POU6F2: variants seen among roughly 807,000 people sequenced by gnomAD.
POU6F2 encodes POU class 6 homeobox 2.
In POU6F2, 31 loss-of-function variants were observed where a neutral mutation model predicts 71.3. That is an observed-to-expected ratio of 0.43 (90% confidence interval 0.33 to 0.59). The LOEUF (loss-of-function observed/expected upper bound fraction) is 0.59, where lower values mean the gene tolerates loss of function less well. Ranked by LOEUF, POU6F2 falls within the 20% of genes least tolerant of loss-of-function variation. The pLI is 0.04. For synonymous variants in POU6F2, 347 were observed against 355.7 expected (o/e 0.98, Z 0.27); for missense variants, 783 against 856.8 (o/e 0.91, Z 1.07).
intron 4 of POU6F2, among the ~76,000 whole-genome samples, chr7:39,271,494 G>GA (rs36038013): frequency 0.017 from 2,286 of 136,698 alleles, 40 homozygotes; most frequent in African/African-American, 0.056. Context: ...CTCAATCAGT[G>GA]AAAAAAAAAA....
At chr7:39,340,919 A>G (rs537808525) in intron 5 of POU6F2, among the ~76,000 whole-genome samples, 19 of 152,244 alleles carry the variant, frequency 1.2e-4, no homozygotes, top group African/African-American at 4.3e-4. Flanking sequence ...GCACAATGAC[A>G]TTTTTCCCTG....
chr7:38,979,460 A>C (rs975805367), intron 1 of POU6F2, among the ~76,000 whole-genome samples: 6 of 152,228 alleles, frequency 3.9e-5, no homozygotes, highest in African/African-American at 1.2e-4. Flanking sequence ...TTTTAAAAGA[A>C]GTAGATATTT....
intron 5 of POU6F2, among the ~76,000 whole-genome samples, chr7:39,359,957 T>C (rs1338781948): frequency 2.6e-5 from 4 of 152,180 alleles, no homozygotes; most frequent in Non-Finnish European, 5.9e-5. Flanking sequence ...GCAAGCAATA[T>C]TGTAATGTAA....
intron 2 of POU6F2, among the ~76,000 whole-genome samples, chr7:39,122,704 ATTTTTTTTTTTT>A (rs1199309217): frequency 8.5e-6 from 1 of 117,148 alleles, no homozygotes; most frequent in African/African-American, 3.3e-5. Context: ...ATGCATGCCT[ATTTTTTTTTTTT>A]TTTTTTTTGG....
At chr7:39,424,361 A>G (rs540712440) in intron 6 of POU6F2, among the ~76,000 whole-genome samples, 4 of 152,340 alleles carry the variant, frequency 2.6e-5, no homozygotes, top group African/African-American at 9.6e-5. Flanking sequence ...TAGTTGAGTA[A>G]AAAGTATTCA....
intron 1 of POU6F2, among the ~76,000 whole-genome samples, chr7:39,053,898 TTAGAGACCAGGCTGGTCAACA>T (rs1396001062): frequency 6.6e-6 from 1 of 151,738 alleles, no homozygotes; most frequent in African/African-American, 2.4e-5. Context: ...AGGTCAGGAG[TTAGAGACCAGGCTGGTCAACA>T]TAGTGAAACC....
At chr7:39,353,328 CTT>C (rs1786180345) in intron 5 of POU6F2, among the ~76,000 whole-genome samples, 1 of 152,200 alleles carries the variant, frequency 6.6e-6, no homozygotes, top group South Asian at 2.1e-4. Context: ...AAAATAAACT[CTT>C]ATGTCCTGCC....
chr7:38,997,217 G>A (rs1407776422), intron 1 of POU6F2, among the ~76,000 whole-genome samples: 3 of 152,114 alleles, frequency 2.0e-5, no homozygotes. Flanking sequence ...GGCTTGGAAT[G>A]CATTCTTCCC....
At chr7:39,377,170 A>G (rs1786726707) in intron 5 of POU6F2, among the ~76,000 whole-genome samples, 1 of 151,114 alleles carries the variant, frequency 6.6e-6, no homozygotes, top group Admixed American at 6.6e-5. Context: ...TCATTCTGTC[A>G]CCCAGTCTGG....
At chr7:39,282,192 C>T (rs764023792) in intron 4 of POU6F2, among the ~76,000 whole-genome samples, 12 of 152,078 alleles carry the variant, frequency 7.9e-5, no homozygotes, top group Non-Finnish European at 1.6e-4. Context: ...TATATTAACT[C>T]CTTGTTGGAT....
At chr7:39,188,678 T>G (rs1166168722) in intron 2 of POU6F2, among the ~76,000 whole-genome samples, 1 of 152,208 alleles carries the variant, frequency 6.6e-6, no homozygotes, top group East Asian at 1.9e-4. Flanking sequence ...ATGTGAATGA[T>G]CTTCCTGAAT....
Position 39,239,447 on chromosome 7 carries a change from A to G in POU6F2, c.598+31827A>G, listed in dbSNP as rs998931389. ...TTTATCCCACTTAGTATGAAAAGTC[A>G]TAGGTCTTGTTGCAGAAATATTAAT... On this transcript the variant is annotated intron_variant, in intron 4 of 9. Transcript: ENST00000518318. Among the ~76,000 whole-genome samples, 4 of 152,198 alleles carry G rather than the reference A, an allele frequency of 2.6e-5. No homozygotes were observed. The South Asian group carries it at 8.3e-4, about 31-fold the overall frequency.
At chr7:39,411,747 AT>A (rs1287044844) in intron 6 of POU6F2, among the ~76,000 whole-genome samples, 1 of 152,148 alleles carries the variant, frequency 6.6e-6, no homozygotes, top group Non-Finnish European at 1.5e-5. Context: ...AAGCAATCAA[AT>A]GGTTCTAACA....
intron 2 of POU6F2, among the ~76,000 whole-genome samples, chr7:39,107,696 C>CA (rs1562708792): frequency 1.3e-5 from 2 of 152,076 alleles, no homozygotes; most frequent in Non-Finnish European, 2.9e-5. Context: ...CCCTACAACA[C>CA]ACAAGCATAA....
intron 2 of POU6F2, among the ~76,000 whole-genome samples, chr7:39,087,204 C>T (rs1270046356): frequency 3.4e-5 from 5 of 147,710 alleles, no homozygotes; most frequent in South Asian, 2.1e-4. Flanking sequence ...TTATTTTAAC[C>T]GACAGAAAGC....
At chr7:39,016,804 T>C (rs1430129452) in intron 1 of POU6F2, among the ~76,000 whole-genome samples, 1 of 152,142 alleles carries the variant, frequency 6.6e-6, no homozygotes, top group Non-Finnish European at 1.5e-5. Context: ...GAACAGCGCA[T>C]GCATAGTCCC....
At chr7:39,180,700 T>C (rs1168970797) in intron 2 of POU6F2, among the ~76,000 whole-genome samples, 9 of 152,182 alleles carry the variant, frequency 5.9e-5, no homozygotes, top group Non-Finnish European at 1.3e-4. Context: ...TTTAGTTCAA[T>C]GCTCTGCTGT....
intron 3 of POU6F2, 21 bp downstream of exon 3, chr7:39,204,347 T>A: frequency 1.3e-6 from 2 of 1,585,892 alleles, no homozygotes; most frequent in Non-Finnish European, 1.7e-6. Context: ...CTCAACTGCT[T>A]TCCACTGGGC....
intron 1 of POU6F2, among the ~76,000 whole-genome samples, chr7:38,989,998 A>G (rs1788564918): frequency 6.6e-6 from 1 of 152,094 alleles, no homozygotes; most frequent in African/African-American, 2.4e-5. Flanking sequence ...TATCATCTGT[A>G]TATCTATCAT....
Sources: gnomAD v4.1 joint callset for allele counts (sites outside exome capture counted in the v4.1 genomes callset) on GRCh38, gnomAD v4.1.1 for gene constraint, MANE v1.5 for transcripts, NCBI Gene and HGNC (gene_info 2026-07-23, HGNC 2026-07-21) for gene names.